Variants in SORCS3 observed in about 807,000 individuals in gnomAD.
The protein encoded by SORCS3 is sortilin related VPS10 domain containing receptor 3.
SORCS3 carries 57 observed loss-of-function variants against 146.3 expected under a neutral mutation model. That is an observed-to-expected ratio of 0.39 (90% confidence interval 0.31 to 0.49). The LOEUF (loss-of-function observed/expected upper bound fraction) is 0.49, where lower values mean the gene tolerates loss of function less well. Ranked by LOEUF, SORCS3 falls within the 20% of genes least tolerant of loss-of-function variation. SORCS3 has a pLI of 0.92. For synonymous variants in SORCS3, 653 were observed against 618.5 expected (o/e 1.06, Z -0.83); for missense variants, 1,341 against 1,575.5 (o/e 0.85, Z 2.52).
chr10:105,158,740 G>T (rs2056233843), intron 10 of SORCS3, 152 bp from the exon 11 acceptor site: 1 of 604,608 alleles, frequency 1.7e-6, no homozygotes, highest in Non-Finnish European at 3.0e-6. Flanking sequence ...AGCTATCTCA[G>T]GTGCGGATAT....
intron 2 of SORCS3, among the ~76,000 whole-genome samples, chr10:104,900,375 A>T (rs1202097989): frequency 2.6e-5 from 4 of 152,110 alleles, no homozygotes; most frequent in Non-Finnish European, 4.4e-5. Flanking sequence ...ACCTACAGTC[A>T]TCCAGGATAG....
chr10:104,698,660 C>T (rs1350865275), intron 1 of SORCS3, among the ~76,000 whole-genome samples: 1 of 152,084 alleles, frequency 6.6e-6, no homozygotes, highest in African/African-American at 2.4e-5. Flanking sequence ...CATTATTGAA[C>T]AAATGGCTAT....
intron 5 of SORCS3, among the ~76,000 whole-genome samples, chr10:105,046,986 G>T (rs997613845): frequency 2.6e-5 from 4 of 151,838 alleles, no homozygotes; most frequent in Non-Finnish European, 4.4e-5. Flanking sequence ...TTCTTCCTAG[G>T]CTCTGCTATG....
chr10:105,150,996 G>T (rs1466494970), intron 9 of SORCS3, among the ~76,000 whole-genome samples: 10 of 152,130 alleles, frequency 6.6e-5, no homozygotes. Context: ...AGCTAAATTA[G>T]CACACTTTTA....
intron 14 of SORCS3, among the ~76,000 whole-genome samples, chr10:105,183,627 A>G (rs1212710370): frequency 6.6e-6 from 1 of 152,178 alleles, no homozygotes; most frequent in Non-Finnish European, 1.5e-5. Context: ...TCATTCGAGT[A>G]ATCGGCAAAT....
intron 14 of SORCS3, among the ~76,000 whole-genome samples, chr10:105,179,616 A>T (rs1266450254): frequency 6.6e-6 from 1 of 152,214 alleles, no homozygotes; most frequent in Non-Finnish European, 1.5e-5. Context: ...CATTTTGTTA[A>T]ATTCAGAGTT....
chr10:104,657,654 A>G (rs117390311), intron 1 of SORCS3, among the ~76,000 whole-genome samples: 64 of 152,296 alleles, frequency 4.2e-4, no homozygotes, highest in Non-Finnish European at 8.5e-4. Context: ...CTGGCAGGCT[A>G]ATCAGATTCC....
intron 1 of SORCS3, among the ~76,000 whole-genome samples, chr10:104,727,313 T>C (rs535958734): frequency 2.0e-5 from 3 of 152,338 alleles, no homozygotes; most frequent in African/African-American, 7.2e-5. Context: ...ATTGTACTTT[T>C]GTGGAAAGTT....
At chr10:105,206,562 A>G (rs1050829375) in intron 16 of SORCS3, among the ~76,000 whole-genome samples, 4 of 152,230 alleles carry the variant, frequency 2.6e-5, no homozygotes, top group African/African-American at 9.6e-5. Context: ...AAAGGAAAAT[A>G]GGCAGTACTT....
intron 1 of SORCS3, among the ~76,000 whole-genome samples, chr10:104,752,945 C>G (rs1429726003): frequency 1.8e-5 from 1 of 56,358 alleles, no homozygotes; most frequent in Non-Finnish European, 3.3e-5. Flanking sequence ...AAAACCAAAC[C>G]AAGCCAACCA....
chr10:104,861,691 T>C (rs954439433), intron 2 of SORCS3, among the ~76,000 whole-genome samples: 3 of 152,098 alleles, frequency 2.0e-5, no homozygotes, highest in African/African-American at 7.2e-5. Context: ...GAGAGTGAAA[T>C]GGCAGGACGT....
At chr10:105,037,084 T>A (rs1331540243) in intron 4 of SORCS3, among the ~76,000 whole-genome samples, 1 of 152,214 alleles carries the variant, frequency 6.6e-6, no homozygotes, top group Non-Finnish European at 1.5e-5. Context: ...AAGTCTGGTC[T>A]ACCCTCATAT....
At chr10:104,940,522 C>T (rs1176429256) in intron 3 of SORCS3, among the ~76,000 whole-genome samples, 1 of 150,394 alleles carries the variant, frequency 6.6e-6, no homozygotes, top group African/African-American at 2.4e-5. Context: ...TGATAGTTTG[C>T]TGAGAATGAT....
intron 1 of SORCS3, among the ~76,000 whole-genome samples, chr10:104,821,193 C>G (rs972952315): frequency 3.3e-5 from 5 of 152,184 alleles, no homozygotes; most frequent in Admixed American, 6.5e-5. Flanking sequence ...GCAGTCACAA[C>G]ATTTTGAAGG....
At chr10:105,041,077 ATG>A (rs1554871519) in intron 4 of SORCS3, among the ~76,000 whole-genome samples, 2 of 142,850 alleles carry the variant, frequency 1.4e-5, no homozygotes, top group Admixed American at 7.0e-5. Context: ...ATATGTATGT[ATG>A]TATATATATT....
chr10:104,907,127 C>CTGTGTGTG (rs139418206), intron 2 of SORCS3, among the ~76,000 whole-genome samples: 6,159 of 147,948 alleles, frequency 0.042, 151 homozygotes, highest in East Asian at 0.14. Context: ...CTGTATAGTA[C>CTGTGTGTG]TGTGTGTGTG....
At chr10:105,036,632 C>T (rs1278780059) in intron 4 of SORCS3, among the ~76,000 whole-genome samples, 1 of 152,148 alleles carries the variant, frequency 6.6e-6, no homozygotes, top group East Asian at 1.9e-4. Flanking sequence ...CTGTTGAAGA[C>T]TTTCTGAGGA....
chr10:104,952,510 A>G (rs1403474872), intron 3 of SORCS3, among the ~76,000 whole-genome samples: 2 of 152,154 alleles, frequency 1.3e-5, no homozygotes, highest in African/African-American at 2.4e-5. Flanking sequence ...ACTCGAAATT[A>G]TGTATTTTCT....
chr10:105,183,389 C>G (rs968912695), intron 14 of SORCS3, among the ~76,000 whole-genome samples: 1 of 152,046 alleles, frequency 6.6e-6, no homozygotes, highest in Non-Finnish European at 1.5e-5. Flanking sequence ...TTAAATGAAG[C>G]CTTTTCCACT....
Sources: allele counts gnomAD v4.1 joint callset (sites outside exome capture counted in the v4.1 genomes callset), GRCh38; gene constraint gnomAD v4.1.1; transcripts MANE v1.5; gene names NCBI Gene and HGNC (gene_info 2026-07-23, HGNC 2026-07-21).